Variants in MCM5 observed in about 807,000 individuals in gnomAD.
MCM5 encodes minichromosome maintenance complex component 5.
Under a neutral mutation model 79.9 loss-of-function variants are expected in MCM5, and 46 were observed. That is an observed-to-expected ratio of 0.58 (90% CI 0.45 to 0.74). The LOEUF is 0.74. MCM5 is among the 30% of genes least tolerant of loss of function. The pLI, the probability that MCM5 is intolerant of heterozygous loss-of-function variation, is 0.00. For synonymous variants in MCM5, 404 were observed against 390.5 expected (o/e 1.03, Z -0.41); for missense variants, 883 against 1,017.0 (o/e 0.87, Z 1.79).
the MCM5 span, among the ~76,000 whole-genome samples, chr22:35,441,050 T>C: frequency 7.4e-6 from 1 of 135,212 alleles, no homozygotes; most frequent in Non-Finnish European, 1.6e-5. Context: ...AGAGTGAAAC[T>C]CTGTCAAAAA....
Position 35,406,557 on chromosome 22 carries a change from A to G in MCM5, c.428A>G (p.Asp143Gly). 1 of 1,613,302 alleles carries G rather than the reference A, an allele frequency of 6.2e-7. No individual in the cohort carries two copies. The highest frequency in any genetic ancestry group is 8.5e-7 in the Non-Finnish European group (1 of 1,179,604). Residue 143 changes from aspartate (D) to glycine (G), a missense_variant, in exon 5 of 17, where the codon GAC becomes GGC. By Grantham distance (94) the Asp-to-Gly change is moderately conservative (BLOSUM62 -1). Coordinates refer to ENST00000216122, the MANE Select transcript of MCM5 (RefSeq NM_006739.4). The stretch of plus-strand genomic sequence containing the variant: ...TTCCCGATGGCTCTATTACAGTCGG[A>G]CATGATGTCACACCTGGTGAAGATC... ...SPSSIRSLKS[D>G]MMSHLVKIPG...
At chr22:35,432,805 T>A in the MCM5 span, among the ~76,000 whole-genome samples, 1 of 147,348 alleles carries the variant, frequency 6.8e-6, no homozygotes, top group Non-Finnish European at 1.5e-5. Flanking sequence ...AGATGGGAGG[T>A]CCTAGAGGGA....
Position 35,420,997 on chromosome 22 carries a change from G to A in MCM5, c.1833-321G>A, listed in dbSNP as rs372813408. Among the ~76,000 whole-genome samples, 6 of 151,980 alleles carry A rather than the reference G, an allele frequency of 3.9e-5. No homozygotes were observed. In the East Asian group the frequency reaches 7.7e-4, roughly 20 times the overall value. ...TAAAAAATTAGCCAGGCATTGTGGT[G>A]CATGCCTGTAGACCCAGCTCCTCAG... is the stretch of plus-strand genomic sequence containing the variant. On this transcript the variant is annotated intron_variant, in intron 14 of 16. Transcript: ENST00000216122.
At chr22:35,429,786 T>G (rs1374587128), downstream of MCM5, among the ~76,000 whole-genome samples, 2 of 151,920 alleles carry the variant, frequency 1.3e-5, no homozygotes, top group Non-Finnish European at 2.9e-5. Flanking sequence ...TCCGCCCACC[T>G]CAGCCTCAAA....
At chr22:35,438,640 C>CATCCATCCATCCACCCACAT in the MCM5 span, among the ~76,000 whole-genome samples, 1 of 144,140 alleles carries the variant, frequency 6.9e-6, no homozygotes, top group Non-Finnish European at 1.5e-5. Context: ...CCCACATATT[C>CATCCATCCATCCACCCACAT]ATCCATCCAT....
chr22:35,417,666 C>G, intron 12 of MCM5, 78 bp from the exon 13 acceptor site: 1 of 1,011,824 alleles, frequency 9.9e-7, no homozygotes, highest in Non-Finnish European at 1.6e-6. Context: ...TCAGCTCTTT[C>G]TGGCTGTTCC....
chr22:35,445,581 C>T, the MCM5 span, among the ~76,000 whole-genome samples: 2 of 151,718 alleles, frequency 1.3e-5, no homozygotes, highest in East Asian at 3.9e-4. Context: ...GCGATCTCAG[C>T]TCACTGCAAG....
At chr22:35,416,502 G>A in intron 11 of MCM5, 98 bp downstream of exon 11, 1 of 1,349,750 alleles carries the variant, frequency 7.4e-7, no homozygotes. Context: ...CTTTGCCCAG[G>A]CCTAGAATCT....
At chr22:35,447,100 C>A in the MCM5 span, among the ~76,000 whole-genome samples, 1 of 152,118 alleles carries the variant, frequency 6.6e-6, no homozygotes, top group Non-Finnish European at 1.5e-5. Flanking sequence ...TCCTGCTGGC[C>A]CTTCCTGGCC....
At chr22:35,441,073 A>AAG in the MCM5 span, among the ~76,000 whole-genome samples, 1 of 151,840 alleles carries the variant, frequency 6.6e-6, no homozygotes, top group Non-Finnish European at 1.5e-5. Context: ...AAAAAAAAAA[A>AAG]AAGTAAGATC....
the MCM5 span, among the ~76,000 whole-genome samples, chr22:35,449,902 C>T: frequency 6.6e-6 from 1 of 152,202 alleles, no homozygotes. Flanking sequence ...CTGCCTCAGC[C>T]ACTGGAGTAG....
intron 4 of MCM5, among the ~76,000 whole-genome samples, chr22:35,403,941 C>CAAAAAAAAAAACA (rs11453695): frequency 6.8e-6 from 1 of 146,612 alleles, no homozygotes; most frequent in Non-Finnish European, 1.5e-5. Flanking sequence ...AAAAACAAAA[C>CAAAAAAAAAAACA]AAAAAAAAAA....
intron 1 of MCM5, 70 bp from the exon 2 acceptor site, chr22:35,400,353 GCAGGGACC>G: frequency 6.4e-7 from 1 of 1,551,920 alleles, no homozygotes. Flanking sequence ...CGGACTCAGG[GCAGGGACC>G]CAGGCGTCGG....
At chr22:35,412,738 A>G in intron 8 of MCM5, 57 bp downstream of exon 8, 1 of 1,348,714 alleles carries the variant, frequency 7.4e-7, no homozygotes, top group Non-Finnish European at 9.8e-7. Flanking sequence ...GGCTCACAGT[A>G]GGATAATTAC....
the MCM5 span, among the ~76,000 whole-genome samples, chr22:35,433,981 T>C: frequency 6.6e-6 from 1 of 152,242 alleles, no homozygotes; most frequent in African/African-American, 2.4e-5. Context: ...CTAGTGTTTC[T>C]GATGGCATGG....
the MCM5 span, among the ~76,000 whole-genome samples, chr22:35,438,876 C>CATCCATCCATCCATCTACAT: frequency 6.7e-6 from 1 of 149,576 alleles, no homozygotes; most frequent in African/African-American, 2.5e-5. Context: ...TCCATCCATC[C>CATCCATCCATCCATCTACAT]ATCCATCCAT....
chr22:35,419,091 T>C (rs932314406), intron 13 of MCM5, among the ~76,000 whole-genome samples: 2 of 152,042 alleles, frequency 1.3e-5, no homozygotes, highest in East Asian at 1.9e-4. Flanking sequence ...CCAGGGTGAG[T>C]GGGTAGTCCC....
intron 2 of MCM5, among the ~76,000 whole-genome samples, chr22:35,402,453 A>G (rs1174876663): frequency 5.3e-5 from 8 of 150,950 alleles, no homozygotes; most frequent in African/African-American, 1.7e-4. Flanking sequence ...CAGTCCCCCA[A>G]GTAGCTAGGA....
the MCM5 span, among the ~76,000 whole-genome samples, chr22:35,448,641 C>T: frequency 2.6e-5 from 4 of 152,164 alleles, no homozygotes; most frequent in South Asian, 2.1e-4. Flanking sequence ...GAGAAGACAG[C>T]GATGAGGAGA....
Sources: allele counts gnomAD v4.1 joint callset (sites outside exome capture counted in the v4.1 genomes callset), GRCh38; gene constraint gnomAD v4.1.1; transcripts MANE v1.5; gene names NCBI Gene and HGNC (gene_info 2026-07-23, HGNC 2026-07-21).